The following LYPD1 variants were observed in gnomAD, a reference collection of about 807,000 sequenced individuals.
LYPD1 encodes the protein ly6/PLAUR domain-containing protein 1.
Under a neutral mutation model 14.2 loss-of-function variants are expected in LYPD1, and 14 were observed. The observed-to-expected ratio is 0.99, with a 90% CI of 0.65 to 1.54. The LOEUF is 1.54. Ranked by LOEUF, LYPD1 falls within the 40% of genes most tolerant of loss-of-function variation. The probability of loss-of-function intolerance (pLI) is 0.00; values close to 1 mark genes in which losing one functional copy is unlikely to be tolerated. For missense variants in LYPD1, 165 were observed against 175.7 expected, an observed-to-expected ratio of 0.94 and a Z score of 0.34; for synonymous variants, 85 against 70.6, an observed-to-expected ratio of 1.20 and a Z score of -1.02.
chr2:132,662,176 A>C (rs987686244), intron 2 of LYPD1, among the ~76,000 whole-genome samples: 2 of 152,224 alleles, frequency 1.3e-5, no homozygotes, highest in African/African-American at 4.8e-5. Flanking sequence ...TTGTACTATA[A>C]TATCTGGGCC....
chr2:132,666,157 T>G (rs551764921), intron 2 of LYPD1, among the ~76,000 whole-genome samples: 1 of 152,296 alleles, frequency 6.6e-6, no homozygotes, highest in Non-Finnish European at 1.5e-5. Flanking sequence ...CAACAACAGT[T>G]AGCTCTTGTT....
chr2:132,647,542 A>AG (rs1269174821), intron 2 of LYPD1, among the ~76,000 whole-genome samples: 2 of 152,244 alleles, frequency 1.3e-5, no homozygotes, highest in Admixed American at 1.3e-4. Context: ...CGTGTTAGCC[A>AG]GGATGGTCTC....
At chr2:132,647,816 G>GTGGTTT (rs760559420) in intron 2 of LYPD1, among the ~76,000 whole-genome samples, 4 of 152,212 alleles carry the variant, frequency 2.6e-5, no homozygotes, top group African/African-American at 4.8e-5. Context: ...GTGGGCAGGT[G>GTGGTTT]TGGTTTTGGT....
Position 132,645,664 on chromosome 2 carries a change from C to G in LYPD1, c.*381G>C. Reference sequence around the variant, plus strand: ...GCCCTCCAGCCCTAAGAAAACGTCACTCTCACTCTGCAGTCTCAAACTATG... The same window carrying G: ...GCCCTCCAGCCCTAAGAAAACGTCAGTCTCACTCTGCAGTCTCAAACTATG... On this transcript the variant is annotated 3_prime_UTR_variant, in exon 3 of 3. Coordinates refer to ENST00000397463, the MANE Select transcript of LYPD1 (RefSeq NM_144586.7). 11 of 1,556,844 alleles carry G rather than the reference C, an allele frequency of 7.1e-6. No individual in the cohort carries two copies. The highest frequency in any genetic ancestry group is 9.5e-6 in the Non-Finnish European group (11 of 1,153,576).
At chr2:132,662,889 A>G (rs1683043416) in intron 2 of LYPD1, 1 of 152,226 alleles carries the variant, frequency 6.6e-6, no homozygotes, top group African/African-American at 2.4e-5. Context: ...TGTTTCATCT[A>G]TGGAGATGGG....
intron 2 of LYPD1, among the ~76,000 whole-genome samples, chr2:132,651,123 G>A (rs766640252): frequency 4.6e-5 from 7 of 152,166 alleles, no homozygotes; most frequent in South Asian, 2.1e-4. Context: ...GATTCTAGGC[G>A]GCCACAGGAT....
Position 132,669,950 on chromosome 2 carries a change from G to A in LYPD1, c.-18C>T. The A allele has an allele frequency of 1.2e-6, 2 of 1,611,354 alleles. No homozygotes were observed. The highest frequency in any genetic ancestry group is 1.7e-6 in the Non-Finnish European group (2 of 1,179,212). The stretch of plus-strand genomic sequence containing the variant: ...ACCCACATTCTCCCGGAGTCCCGGG[G>A]CCGGGAGAGGGCAAGCGCATCAGAG... On this transcript the variant is annotated 5_prime_UTR_variant, in exon 1 of 3. Coordinates refer to ENST00000397463, the MANE Select transcript of LYPD1 (RefSeq NM_144586.7). The surrounding 1 kb of genome is among the most constrained non-coding windows in gnomAD (Gnocchi z 4.3).
Position 132,668,677 on chromosome 2 carries a change from G to C in LYPD1, c.53-140C>G, listed in dbSNP as rs1472368275. ...CACTCCTGGGTCTCCGGGTAGGGCT[G>C]GATGTGGCTGACACCGGCAGGGGGC... On this transcript the variant is annotated intron_variant, in intron 1 of 2. Transcript: ENST00000397463. 5.6e-6 allele frequency: 7 copies of C among 1,249,268 alleles called. No individual in the cohort carries two copies. The East Asian group carries it at 1.1e-4, about 20-fold the overall frequency. The allele number at this position is 1,249,268 out of a possible 1,614,324, so 77.4% of individuals were successfully genotyped here. A position where few individuals can be genotyped will look rare whatever the true frequency, so the allele number is the denominator to read the frequency against.
At chr2:132,647,422 T>G (rs1237899773) in intron 2 of LYPD1, among the ~76,000 whole-genome samples, 5 of 152,194 alleles carry the variant, frequency 3.3e-5, no homozygotes, top group African/African-American at 9.7e-5. Flanking sequence ...AGATAGCTTT[T>G]GTTGTGTATG....
At chr2:132,666,998 TA>T (rs1558889179) in intron 2 of LYPD1, 12 of 152,194 alleles carry the variant, frequency 7.9e-5, no homozygotes, top group Non-Finnish European at 8.8e-5. Flanking sequence ...TAATTCTGAC[TA>T]AAATCACAGC....
chr2:132,648,936 G>C (rs1274605330), intron 2 of LYPD1, among the ~76,000 whole-genome samples: 2 of 152,196 alleles, frequency 1.3e-5, no homozygotes, highest in Non-Finnish European at 2.9e-5. Flanking sequence ...GCTCAGGGTA[G>C]CTGTGGGCTT....
rs755639685 is a variant in LYPD1, at chr2:132,645,268, C to T, written c.*777G>A. ...CTACCTCAGCTCGGTCATCAACCCG[C>T]TCCTGTACACGGTGTCCTCGCAGCA... On this transcript the variant is annotated 3_prime_UTR_variant, in exon 3 of 3. Transcript: ENST00000397463. 1.4e-5 allele frequency: 23 copies of T among 1,614,094 alleles called. No homozygotes were observed. The South Asian group carries it at 1.9e-4, about 13-fold the overall frequency.
At chr2:132,668,627 C>T in intron 1 of LYPD1, 90 bp from the exon 2 acceptor site, 1 of 1,526,434 alleles carries the variant, frequency 6.6e-7, no homozygotes, top group Non-Finnish European at 8.8e-7. Flanking sequence ...AGCCAGGCGG[C>T]TCCCAGCCTC....
rs1683527687 is a variant in LYPD1 at position 132,669,702 on chromosome 2, G to T, written c.52+179C>A. 1 of 1,293,982 alleles carries T rather than the reference G, an allele frequency of 7.7e-7. No individual in the cohort carries two copies. The highest frequency in any genetic ancestry group is 1.0e-6 in the Non-Finnish European group (1 of 980,874). The allele number at this position is 1,293,982 out of a possible 1,614,324, so 80.2% of individuals were successfully genotyped here. ...CCGCTCCCCGCTCTCCTCCTGCAGC[G>T]CGGGACTTGGACACTTTCCCAGCCT... On this transcript the variant is annotated intron_variant, in intron 1 of 2. Transcript: ENST00000397463. This position sits in a 1 kb window ranked among gnomAD's most constrained non-coding sequence, Gnocchi z 4.3.
At position 132,645,968 on chromosome 2, in the gene LYPD1, A is replaced by AACTC; in HGVS notation, c.*73_*76dup. ...CCAGAATAAAAGGACACCCAGAAGA[A>AACTC]ACTCACTCAGGGAGGTGGGGGGTTG... On this transcript the variant is annotated 3_prime_UTR_variant, in exon 3 of 3. Transcript: ENST00000397463. The AACTC allele has an allele frequency of 9.0e-7, 1 of 1,114,230 alleles. No homozygotes were observed. The highest frequency in any genetic ancestry group is 1.7e-5 in the South Asian group (1 of 59,534). 69.0% of individuals were successfully genotyped at this position (1,114,230 alleles called of 1,614,324 possible). A position where few individuals can be genotyped will look rare whatever the true frequency, so the allele number is the denominator to read the frequency against.
In LYPD1 at chr2:132,661,912, G is replaced by A. The variant is rs201493003; in HGVS notation, c.190+6488C>T. Among the ~76,000 whole-genome samples, 7 of 149,314 alleles carry A rather than the reference G, an allele frequency of 4.7e-5. No individual in the cohort carries two copies. In the East Asian group the frequency reaches 7.9e-4, roughly 17 times the overall value. On this transcript the variant is annotated intron_variant, in intron 2 of 2. Transcript: ENST00000397463. The stretch of plus-strand genomic sequence containing the variant: ...TTGTTGTTAAAAATACAAAAAAAGC[G>A]GGAAAACATAGAAAATGGCACCACA...
In LYPD1 at chr2:132,645,604, T is replaced by TGAATGTCAAGCGAGGGAGCC. The variant is rs747509173; in HGVS notation, c.*421_*440dup. The TGAATGTCAAGCGAGGGAGCC allele has an allele frequency of 1.2e-6, 2 of 1,609,308 alleles. No homozygotes were observed. The highest frequency in any genetic ancestry group is 2.2e-5 in the South Asian group (2 of 90,586). Reference sequence around the variant, plus strand: ...GAATGGTTTTCAGGAGCATGAAGTTTGAATGTCAAGCGAGGGAGCCTTGAG... The same window carrying TGAATGTCAAGCGAGGGAGCC: ...GAATGGTTTTCAGGAGCATGAAGTTTGAATGTCAAGCGAGGGAGCCGAATGTCAAGCGAGGGAGCCTTGAG... On this transcript the variant is annotated 3_prime_UTR_variant, in exon 3 of 3. Transcript: ENST00000397463.
intron 2 of LYPD1, among the ~76,000 whole-genome samples, chr2:132,659,112 G>C (rs933017767): frequency 6.6e-6 from 1 of 152,140 alleles, no homozygotes; most frequent in Non-Finnish European, 1.5e-5. Context: ...GCATTAGTCA[G>C]CTATTTCTAG....
rs1187578336 is a variant in LYPD1, at chr2:132,645,682, A to C, written c.*363T>G. 1 of 1,526,810 alleles carries C rather than the reference A, an allele frequency of 6.5e-7. No homozygotes were observed. Among genetic ancestry groups the C allele is most frequent in the Non-Finnish European group, 8.8e-7 (1 of 1,137,230 alleles). 94.6% of individuals were successfully genotyped at this position (1,526,810 alleles called of 1,614,324 possible). Reference sequence around the variant, plus strand: ...AACGTCACTCTCACTCTGCAGTCTCAAACTATGCCCCCATCAGGGATGGAA... The same window carrying C: ...AACGTCACTCTCACTCTGCAGTCTCCAACTATGCCCCCATCAGGGATGGAA... On this transcript the variant is annotated 3_prime_UTR_variant, in exon 3 of 3. Transcript: ENST00000397463.
Sources: allele counts gnomAD v4.1 joint callset (sites outside exome capture counted in the v4.1 genomes callset), GRCh38; gene constraint gnomAD v4.1.1; non-coding constraint Gnocchi (gnomAD v3.1); transcripts MANE v1.5; gene names NCBI Gene and HGNC (gene_info 2026-07-23, HGNC 2026-07-21).